ATP2B2: variants seen among roughly 807,000 people sequenced by gnomAD.
ATP2B2 encodes plasma membrane calcium-transporting ATPase 2.
In ATP2B2, 15 loss-of-function variants were observed where a neutral mutation model predicts 120.0. That is an observed-to-expected ratio of 0.12 (90% confidence interval 0.08 to 0.19). The LOEUF is 0.19. Among genes scored for constraint, ATP2B2 ranks in the 10% least tolerant of loss-of-function variants. The pLI, the probability that ATP2B2 is intolerant of heterozygous loss-of-function variation, is 1.00. For missense variants in ATP2B2, 1,045 were observed against 1,719.8 expected, an observed-to-expected ratio of 0.61 and a Z score of 6.94; for synonymous variants, 694 against 700.3, an observed-to-expected ratio of 0.99 and a Z score of 0.14.
At chr3:10,437,927 C>T (rs6772306) in intron 2 of ATP2B2, among the ~76,000 whole-genome samples, 35,485 of 152,196 alleles carry the variant, frequency 0.23, 5,388 homozygotes, top group Non-Finnish European at 0.34. Context: ...TGAACAGACA[C>T]TGGGAGAAGA....
At position 10,405,438 on chromosome 3, in the gene ATP2B2, G is replaced by A. The variant is rs1176946324; in HGVS notation, c.398-3090C>T. On this transcript the variant is annotated intron_variant, in intron 3 of 22. Transcript: ENST00000360273. ...GCCAAGGGATGACTAGAAAGTGGGA[G>A]TGCAGATCGCTGGGGTAGGGATTCG... 2.6e-5 allele frequency among the ~76,000 whole-genome samples: 4 copies of A among 152,334 alleles called. No homozygotes were observed. The East Asian group carries it at 7.7e-4, about 29-fold the overall frequency.
intron 2 of ATP2B2, among the ~76,000 whole-genome samples, chr3:10,580,262 A>G (rs2125559733): frequency 6.6e-6 from 1 of 152,310 alleles, no homozygotes; most frequent in Admixed American, 6.5e-5. Context: ...TAAAAACCAA[A>G]GAACACTTGT....
chr3:10,590,935 C>T (rs2068629602), intron 2 of ATP2B2, among the ~76,000 whole-genome samples: 1 of 152,080 alleles, frequency 6.6e-6, no homozygotes, highest in South Asian at 2.1e-4. Flanking sequence ...AGTGGTGACA[C>T]CAGGTGAGGA....
chr3:10,558,631 A>G (rs546588506), intron 2 of ATP2B2, among the ~76,000 whole-genome samples: 26 of 152,328 alleles, frequency 1.7e-4, no homozygotes, highest in African/African-American at 3.8e-4. Context: ...CAGTTACTCA[A>G]GCCAATAAGT....
In ATP2B2 at chr3:10,375,663, A is replaced by G. The variant is rs747625703; in HGVS notation, c.1202-19T>C. Reference sequence around the variant, plus strand: ...ACCAAGCCTGCAATGTGAGGGACACATGCTTGGGGGGTTCCAGGAAGTGGA... The same window carrying G: ...ACCAAGCCTGCAATGTGAGGGACACGTGCTTGGGGGGTTCCAGGAAGTGGA... On this transcript the variant is annotated intron_variant, in intron 10 of 22. Coordinates refer to ENST00000360273, the MANE Select transcript of ATP2B2 (RefSeq NM_001001331.4). This position sits in a 1 kb window ranked among gnomAD's most constrained non-coding sequence, Gnocchi z 4.2. The G allele has an allele frequency of 1.2e-6, 2 of 1,607,276 alleles. No individual in the cohort carries two copies. The highest frequency in any genetic ancestry group is 1.7e-6 in the Non-Finnish European group (2 of 1,174,520).
chr3:10,576,476 G>A (rs1471453567), intron 2 of ATP2B2, among the ~76,000 whole-genome samples: 1 of 152,102 alleles, frequency 6.6e-6, no homozygotes, highest in Non-Finnish European at 1.5e-5. Context: ...AACCTCCTGG[G>A]CTCAATCAAT....
chr3:10,427,130 G>A (rs575760798), intron 2 of ATP2B2, among the ~76,000 whole-genome samples: 1 of 152,292 alleles, frequency 6.6e-6, no homozygotes, highest in Non-Finnish European at 1.5e-5. Context: ...TAAGGAAATA[G>A]GGATAAGCAG....
At chr3:10,574,481 C>T (rs1677040541) in intron 2 of ATP2B2, among the ~76,000 whole-genome samples, 1 of 152,196 alleles carries the variant, frequency 6.6e-6, no homozygotes, top group South Asian at 2.1e-4. Context: ...AGGCAAGGGG[C>T]ATTCTCCATA....
At chr3:10,422,823 C>T (rs757710297) in intron 2 of ATP2B2, among the ~76,000 whole-genome samples, 7 of 152,236 alleles carry the variant, frequency 4.6e-5, no homozygotes, top group Non-Finnish European at 8.8e-5. Context: ...ATTCAACACA[C>T]GTGTGGACAC....
chr3:10,612,162 G>A (rs2069256991), intron 2 of ATP2B2, among the ~76,000 whole-genome samples: 1 of 152,122 alleles, frequency 6.6e-6, no homozygotes, highest in African/African-American at 2.4e-5. Context: ...GGTGTGCTAT[G>A]ACACCTGTGC....
At chr3:10,681,593 G>A (rs1234702089) in intron 1 of ATP2B2, among the ~76,000 whole-genome samples, 1 of 152,226 alleles carries the variant, frequency 6.6e-6, no homozygotes. Context: ...CAAGATACAA[G>A]TATGAAAAAC....
chr3:10,654,300 C>G (rs537622286), intron 1 of ATP2B2, among the ~76,000 whole-genome samples: 2 of 152,270 alleles, frequency 1.3e-5, no homozygotes, highest in South Asian at 4.1e-4. Context: ...AGACTGTGAG[C>G]TTCTCTAGGG....
At chr3:10,630,274 C>T (rs2069826067) in intron 1 of ATP2B2, among the ~76,000 whole-genome samples, 1 of 152,012 alleles carries the variant, frequency 6.6e-6, no homozygotes, top group Non-Finnish European at 1.5e-5. Context: ...AGTATTAAGC[C>T]CAGTACCCAT....
chr3:10,639,394 C>G (rs192465825), intron 1 of ATP2B2, among the ~76,000 whole-genome samples: 1 of 152,290 alleles, frequency 6.6e-6, no homozygotes, highest in African/African-American at 2.4e-5. Flanking sequence ...AGTCCAAGGT[C>G]AAGGTGCCAG....
intron 1 of ATP2B2, among the ~76,000 whole-genome samples, chr3:10,478,423 T>A (rs1430687026): frequency 6.6e-6 from 1 of 152,252 alleles, no homozygotes; most frequent in Non-Finnish European, 1.5e-5. Flanking sequence ...GCTTTTGGTG[T>A]CATAGCCAAT....
chr3:10,455,319 C>T (rs375112991), intron 1 of ATP2B2, among the ~76,000 whole-genome samples: 5 of 152,206 alleles, frequency 3.3e-5, no homozygotes, highest in African/African-American at 1.2e-4. Context: ...GAAGCTGGGA[C>T]GACTTCCCTC....
intron 3 of ATP2B2, among the ~76,000 whole-genome samples, chr3:10,407,753 A>G (rs1362893767): frequency 1.3e-5 from 2 of 152,234 alleles, no homozygotes; most frequent in Non-Finnish European, 2.9e-5. Flanking sequence ...CCACTTTTCC[A>G]GAAACCAGGA....
At chr3:10,358,665 C>T (rs760296065) in intron 14 of ATP2B2, 26 bp downstream of exon 14, 13 of 1,612,942 alleles carry the variant, frequency 8.1e-6, no homozygotes, top group South Asian at 1.1e-5. Flanking sequence ...TCCCCTTTCC[C>T]TGAGCTCGCT....
chr3:10,673,023 G>C (rs907633861), intron 1 of ATP2B2, among the ~76,000 whole-genome samples: 1 of 152,158 alleles, frequency 6.6e-6, no homozygotes, highest in African/African-American at 2.4e-5. Context: ...GGTGACCTGG[G>C]TGCATTTTCT....
Sources: allele counts gnomAD v4.1 joint callset (sites outside exome capture counted in the v4.1 genomes callset), GRCh38; gene constraint gnomAD v4.1.1; non-coding constraint Gnocchi (gnomAD v3.1); transcripts MANE v1.5; gene names NCBI Gene and HGNC (gene_info 2026-07-23, HGNC 2026-07-21).